Variants in CSMD1 observed in about 807,000 individuals in gnomAD.
The protein encoded by CSMD1 is CUB and Sushi multiple domains 1.
In CSMD1, 213 loss-of-function variants were observed where a neutral mutation model predicts 417.5. The observed-to-expected ratio is 0.51, with a 90% CI of 0.46 to 0.57. The LOEUF (loss-of-function observed/expected upper bound fraction) is 0.57. Among genes scored for constraint, CSMD1 ranks in the 20% least tolerant of loss-of-function variants. CSMD1 has a pLI of 0.00. For synonymous variants in CSMD1, 2,862 were observed against 1,736.8 expected (o/e 1.65, Z -16.11); for missense variants, 6,923 against 4,529.7 (o/e 1.53, Z -15.17).
At chr8:4,838,673 C>A (rs547334706) in intron 1 of CSMD1, among the ~76,000 whole-genome samples, 1 of 152,196 alleles carries the variant, frequency 6.6e-6, no homozygotes, top group African/African-American at 2.4e-5. Flanking sequence ...GGATGAGAAG[C>A]ATTTATAAGA....
intron 41 of CSMD1, among the ~76,000 whole-genome samples, chr8:3,137,099 T>TG (rs1280641894): frequency 3.3e-5 from 5 of 152,134 alleles, no homozygotes; most frequent in Non-Finnish European, 5.9e-5. Flanking sequence ...CATTTCTTTG[T>TG]GGGGGGAATG....
At chr8:3,309,098 C>G (rs1189875886) in intron 23 of CSMD1, among the ~76,000 whole-genome samples, 3 of 151,962 alleles carry the variant, frequency 2.0e-5, no homozygotes, top group Admixed American at 1.3e-4. Context: ...CCTGGATTCT[C>G]TGGTGAGCCC....
chr8:4,419,847 A>G (rs1249620930), intron 3 of CSMD1, 106 bp downstream of exon 3: 60 of 765,610 alleles, frequency 7.8e-5, no homozygotes, highest in Non-Finnish European at 1.2e-4. Flanking sequence ...TACACCACGG[A>G]ACGACCTGCG....
At chr8:3,939,434 C>T (rs1360849283) in intron 5 of CSMD1, among the ~76,000 whole-genome samples, 1 of 152,082 alleles carries the variant, frequency 6.6e-6, no homozygotes, top group East Asian at 1.9e-4. Context: ...ACTACAACTA[C>T]TATGAAAGAC....
chr8:4,120,034 C>T (rs550730192), intron 3 of CSMD1, among the ~76,000 whole-genome samples: 2 of 152,178 alleles, frequency 1.3e-5, no homozygotes, highest in South Asian at 2.1e-4. Context: ...AATTTAATTG[C>T]ACATTTAAAA....
At chr8:4,485,158 A>T (rs1801311586) in intron 2 of CSMD1, among the ~76,000 whole-genome samples, 1 of 152,058 alleles carries the variant, frequency 6.6e-6, no homozygotes, top group Non-Finnish European at 1.5e-5. Context: ...GCATTTCCTT[A>T]GATGTCTACT....
rs550257758 is a variant in CSMD1 at position 4,798,167 on chromosome 8, C to A, written c.86-160609G>T. 4.5e-4 allele frequency among the ~76,000 whole-genome samples: 68 copies of A among 152,302 alleles called. 1 individual carries two copies. The South Asian group carries it at 0.014, about 31-fold the overall frequency. On this transcript the variant is annotated intron_variant, in intron 1 of 69. Transcript: ENST00000635120. Reference sequence around the variant, plus strand: ...CCTAATGCTATCCCTCCCCACTTCCCCCACCCAATGACAGGCCCCGGTGTG... The same window carrying A: ...CCTAATGCTATCCCTCCCCACTTCCACCACCCAATGACAGGCCCCGGTGTG...
intron 7 of CSMD1, among the ~76,000 whole-genome samples, chr8:3,635,825 AAAG>A (rs1448386484): frequency 2.0e-5 from 3 of 150,712 alleles, no homozygotes; most frequent in Admixed American, 6.6e-5. Context: ...AGAAAGAAAG[AAAG>A]AAAAAAAAAA....
chr8:3,310,312 G>C (rs1239861707), intron 23 of CSMD1, among the ~76,000 whole-genome samples: 2 of 151,968 alleles, frequency 1.3e-5, no homozygotes, highest in Non-Finnish European at 2.9e-5. Flanking sequence ...AGAAGCAGAA[G>C]TCTTTACTGT....
intron 3 of CSMD1, among the ~76,000 whole-genome samples, chr8:4,279,650 G>C (rs1585148262): frequency 1.3e-5 from 2 of 152,214 alleles, no homozygotes; most frequent in African/African-American, 2.4e-5. Flanking sequence ...ACTCATTCGA[G>C]TATCTTAACC....
chr8:3,741,081 G>C (rs12548108), intron 6 of CSMD1, among the ~76,000 whole-genome samples: 26,872 of 152,004 alleles, frequency 0.18, 2,959 homozygotes, highest in South Asian at 0.28. Flanking sequence ...CAGGTGTGGT[G>C]ATAGGTGCCT....
chr8:3,068,552 C>T (rs538781570), intron 49 of CSMD1, among the ~76,000 whole-genome samples: 10 of 151,816 alleles, frequency 6.6e-5, no homozygotes, highest in South Asian at 6.2e-4. Context: ...TTTATAAAGA[C>T]ATTTAGTTGG....
At position 3,801,639 on chromosome 8, in the gene CSMD1, T is replaced by G. The variant is rs377570196; in HGVS notation, c.819-47597A>C. ...TCCTAGTTTTTCTACCCAAGAAAAC[T>G]GAAAACATATAGTAACACAAAAACT... On this transcript the variant is annotated intron_variant, in intron 5 of 69. Transcript: ENST00000635120. Among the ~76,000 whole-genome samples, 12 of 74,526 alleles carry G rather than the reference T, an allele frequency of 1.6e-4. No individual in the cohort carries two copies. The South Asian group carries it at 3.8e-3, about 23-fold the overall frequency. The allele number at this position is 74,526 out of a possible 152,430, so 48.9% of individuals were successfully genotyped here.
intron 50 of CSMD1, among the ~76,000 whole-genome samples, chr8:3,048,875 TAAA>T (rs71199529): frequency 6.9e-6 from 1 of 143,932 alleles, no homozygotes; most frequent in Non-Finnish European, 1.5e-5. Flanking sequence ...AAAGAACTCT[TAAA>T]AAAAAAAAAA....
At chr8:4,660,979 T>G (rs1804562668) in intron 1 of CSMD1, among the ~76,000 whole-genome samples, 1 of 152,150 alleles carries the variant, frequency 6.6e-6, no homozygotes, top group African/African-American at 2.4e-5. Context: ...AAAATCTGGT[T>G]AGCATAAGAA....
At position 3,377,571 on chromosome 8, in the gene CSMD1, C is replaced by T. The variant is rs562268091; in HGVS notation, c.2783-8201G>A. 4.6e-5 allele frequency among the ~76,000 whole-genome samples: 7 copies of T among 152,200 alleles called. No individual in the cohort carries two copies. The East Asian group carries it at 9.7e-4, about 21-fold the overall frequency. ...CTATTGGCTCTTTTTGGTCTATTCC[C>T]ACTCCGTTTCTCCTAAATCATTTTC... is the stretch of plus-strand genomic sequence containing the variant. On this transcript the variant is annotated intron_variant, in intron 18 of 69. Coordinates refer to ENST00000635120, the MANE Select transcript of CSMD1 (RefSeq NM_033225.6).
In CSMD1 at chr8:2,936,121, G is replaced by A. The variant is rs1414913942; in HGVS notation, c.*2464C>T. On this transcript the variant is annotated 3_prime_UTR_variant, in exon 70 of 70. Transcript: ENST00000635120. ...AGAATTCTCACACGAGAATTTCACT[G>A]ATTTTTTTTTTCATTTAAATAACAT... 6.6e-6 allele frequency: 1 copy of A among 151,896 alleles called. No individual in the cohort carries two copies. Among genetic ancestry groups the A allele is most frequent in the African/African-American group, 2.4e-5 (1 of 41,326 alleles). The allele number at this position is 151,896 out of a possible 1,614,324, so 9.4% of individuals were successfully genotyped here. A position where few individuals can be genotyped will look rare whatever the true frequency, so the allele number is the denominator to read the frequency against.
chr8:3,116,499 T>C (rs1281322904), intron 42 of CSMD1, among the ~76,000 whole-genome samples: 4 of 152,178 alleles, frequency 2.6e-5, no homozygotes, highest in Non-Finnish European at 5.9e-5. Context: ...TAATGGAGAA[T>C]GAAGCCTCAG....
intron 31 of CSMD1, among the ~76,000 whole-genome samples, chr8:3,205,100 G>T (rs1449744910): frequency 6.6e-6 from 1 of 152,180 alleles, no homozygotes; most frequent in African/African-American, 2.4e-5. Flanking sequence ...TTTCGATCAT[G>T]ATCTGGTTAC....
Sources: gnomAD v4.1 joint callset for allele counts (sites outside exome capture counted in the v4.1 genomes callset) on GRCh38, gnomAD v4.1.1 for gene constraint, MANE v1.5 for transcripts, NCBI Gene and HGNC (gene_info 2026-07-23, HGNC 2026-07-21) for gene names.